Variants in PTPRD observed in about 807,000 individuals in gnomAD.
PTPRD encodes the protein protein tyrosine phosphatase receptor type D.
Under a neutral mutation model 214.5 loss-of-function variants are expected in PTPRD, and 34 were observed. The observed-to-expected ratio is 0.16, with a 90% confidence interval of 0.12 to 0.21. The LOEUF (loss-of-function observed/expected upper bound fraction) is 0.21. Among genes scored for constraint, PTPRD ranks in the 10% least tolerant of loss-of-function variants. PTPRD has a pLI of 1.00. For synonymous variants in PTPRD, 1,128 were observed against 845.7 expected (o/e 1.33, Z -5.79); for missense variants, 2,545 against 2,398.7 (o/e 1.06, Z -1.27).
chr9:9,980,964 A>G (rs1246810232), intron 4 of PTPRD, among the ~76,000 whole-genome samples: 1 of 152,150 alleles, frequency 6.6e-6, no homozygotes, highest in African/African-American at 2.4e-5. Context: ...CCATCTGTAT[A>G]GTCATTCTGC....
intron 2 of PTPRD, among the ~76,000 whole-genome samples, chr9:10,436,980 G>T (rs1433770581): frequency 6.6e-6 from 1 of 151,790 alleles, no homozygotes; most frequent in Non-Finnish European, 1.5e-5. Context: ...TGTGTGGGCT[G>T]AGCTTAACTG....
rs115539868 is a variant in PTPRD at position 9,610,568 on chromosome 9, G to A, written c.-286-35787C>T. Among the ~76,000 whole-genome samples the A allele has an allele frequency of 9.1e-3, 1,384 of 152,264 alleles. 21 individuals carry two copies. The highest frequency in any genetic ancestry group is 0.032 in the African/African-American group (1,327 of 41,542). ...GAGACCAGTATGCTACCTTGGAATAGATGGGGGAAAGTGAAATATTATTTT... is the reference window on the plus strand; with the variant it reads ...GAGACCAGTATGCTACCTTGGAATAAATGGGGGAAAGTGAAATATTATTTT... On this transcript the variant is annotated intron_variant, in intron 7 of 45. Coordinates refer to ENST00000381196, the MANE Select transcript of PTPRD (RefSeq NM_002839.4).
intron 8 of PTPRD, among the ~76,000 whole-genome samples, chr9:9,554,199 T>C (rs1214890686): frequency 6.6e-6 from 1 of 151,974 alleles, no homozygotes; most frequent in Non-Finnish European, 1.5e-5. Context: ...GAAAACACTA[T>C]CAAGTAATTT....
At chr9:9,718,586 G>A (rs1427373919) in intron 7 of PTPRD, among the ~76,000 whole-genome samples, 1 of 152,218 alleles carries the variant, frequency 6.6e-6, no homozygotes, top group Admixed American at 6.5e-5. Flanking sequence ...CCCTTCCCCT[G>A]CAGGCTCAGA....
At chr9:9,255,797 T>G (rs1487716011) in intron 9 of PTPRD, among the ~76,000 whole-genome samples, 4 of 152,034 alleles carry the variant, frequency 2.6e-5, no homozygotes, top group African/African-American at 7.2e-5. Flanking sequence ...GGGACTTTTT[T>G]CATTTTGTTT....
rs116089011 is a variant in PTPRD at position 9,559,723 on chromosome 9, C to G, written c.-237+15009G>C. On this transcript the variant is annotated intron_variant, in intron 8 of 45. Coordinates refer to ENST00000381196, the MANE Select transcript of PTPRD (RefSeq NM_002839.4). ...CCATGAAGGTAAACTGTTCCTGGCT[C>G]TCTGGACAAGAAGTTCCAGTTCTGT... 1.0e-3 allele frequency among the ~76,000 whole-genome samples: 153 copies of G among 152,316 alleles called. 3 individuals carry two copies. Among genetic ancestry groups the G allele is most frequent in the African/African-American group, 3.6e-3 (148 of 41,566 alleles).
At chr9:8,920,635 A>C (rs2098821013) in intron 11 of PTPRD, among the ~76,000 whole-genome samples, 1 of 152,122 alleles carries the variant, frequency 6.6e-6, no homozygotes, top group African/African-American at 2.4e-5. Flanking sequence ...AAGTTTACAA[A>C]TTTGTGTTGG....
At chr9:10,543,640 A>C (rs1248624224) in intron 2 of PTPRD, among the ~76,000 whole-genome samples, 1 of 152,246 alleles carries the variant, frequency 6.6e-6, no homozygotes, top group Non-Finnish European at 1.5e-5. Flanking sequence ...GCTTAAGCAC[A>C]AGATGGGCTA....
At chr9:8,373,197 T>C (rs2082066077) in intron 39 of PTPRD, among the ~76,000 whole-genome samples, 1 of 151,978 alleles carries the variant, frequency 6.6e-6, no homozygotes, top group Non-Finnish European at 1.5e-5. Context: ...AAGAATGACT[T>C]TAATCTGCTG....
intron 12 of PTPRD, among the ~76,000 whole-genome samples, chr9:8,642,889 A>G (rs1038046948): frequency 2.6e-5 from 4 of 152,192 alleles, no homozygotes; most frequent in Non-Finnish European, 5.9e-5. Context: ...ATACCAACAC[A>G]TGACGAAAGG....
intron 11 of PTPRD, among the ~76,000 whole-genome samples, chr9:8,908,628 A>G (rs894025740): frequency 6.6e-6 from 1 of 152,024 alleles, no homozygotes; most frequent in Non-Finnish European, 1.5e-5. Context: ...ATAAACATCT[A>G]TATTAGAAAA....
chr9:9,938,756 A>C (rs1024127431), intron 4 of PTPRD, 146 bp from the exon 5 acceptor site: 1 of 152,188 alleles, frequency 6.6e-6, no homozygotes, highest in African/African-American at 2.4e-5. Context: ...CTTCACCTCT[A>C]TAATTTACAT....
At chr9:9,850,628 T>C (rs1007006498) in intron 5 of PTPRD, among the ~76,000 whole-genome samples, 1 of 152,160 alleles carries the variant, frequency 6.6e-6, no homozygotes, top group African/African-American at 2.4e-5. Context: ...TATGGAATGA[T>C]GAAATCAAGC....
chr9:9,507,277 C>T (rs985893155), intron 8 of PTPRD, among the ~76,000 whole-genome samples: 2 of 151,080 alleles, frequency 1.3e-5, no homozygotes, highest in African/African-American at 2.4e-5. Context: ...TTCACAAACA[C>T]ACAAAATTGC....
chr9:9,932,088 A>G (rs892025713), intron 5 of PTPRD, among the ~76,000 whole-genome samples: 1 of 149,146 alleles, frequency 6.7e-6, no homozygotes, highest in Non-Finnish European at 1.5e-5. Flanking sequence ...CATCACCATC[A>G]TCAAAGACCA....
chr9:9,660,672 G>C (rs948366443), intron 7 of PTPRD, among the ~76,000 whole-genome samples: 77 of 151,828 alleles, frequency 5.1e-4, no homozygotes, highest in African/African-American at 1.9e-3. Context: ...ACTTTCTCAG[G>C]ATTTTGAAGA....
intron 11 of PTPRD, among the ~76,000 whole-genome samples, chr9:8,986,050 C>T (rs1282137645): frequency 6.6e-6 from 1 of 151,976 alleles, no homozygotes. Context: ...CTTTTTGAGT[C>T]TGTTGGAAAA....
chr9:10,431,566 A>G (rs929664599), intron 2 of PTPRD, among the ~76,000 whole-genome samples: 5 of 151,796 alleles, frequency 3.3e-5, no homozygotes, highest in African/African-American at 1.2e-4. Flanking sequence ...CAGAATCTAC[A>G]ATGAACTCAA....
chr9:9,226,462 ACT>A (rs1308831831), intron 9 of PTPRD, among the ~76,000 whole-genome samples: 1 of 151,962 alleles, frequency 6.6e-6, no homozygotes, highest in African/African-American at 2.4e-5. Context: ...GGATGATAAA[ACT>A]CAGCCCAGGG....
Sources: gnomAD v4.1 joint callset for allele counts (sites outside exome capture counted in the v4.1 genomes callset) on GRCh38, gnomAD v4.1.1 for gene constraint, MANE v1.5 for transcripts, NCBI Gene and HGNC (gene_info 2026-07-23, HGNC 2026-07-21) for gene names.